The following FRMD3 variants were observed in gnomAD, a reference collection of about 807,000 sequenced individuals.
The protein encoded by FRMD3 is FERM domain containing 3, also known as FERM domain-containing protein 3.
A neutral mutation model predicts 70.2 loss-of-function variants in FRMD3; 33 were observed. That is an observed-to-expected ratio of 0.47 (90% confidence interval 0.36 to 0.63). The LOEUF is 0.63. FRMD3 is among the 20% of genes least tolerant of loss of function. FRMD3 has a pLI of 0.00. For synonymous variants in FRMD3, 279 were observed against 255.9 expected (o/e 1.09, Z -0.86); for missense variants, 632 against 711.4 (o/e 0.89, Z 1.27).
At chr9:83,525,355 A>G (rs1829663083) in intron 1 of FRMD3, among the ~76,000 whole-genome samples, 1 of 152,222 alleles carries the variant, frequency 6.6e-6, no homozygotes, top group African/African-American at 2.4e-5. Flanking sequence ...TCATTGCATT[A>G]TTAATATTAG....
intron 1 of FRMD3, among the ~76,000 whole-genome samples, chr9:83,448,129 A>T (rs558353669): frequency 6.6e-6 from 1 of 152,172 alleles, no homozygotes; most frequent in Non-Finnish European, 1.5e-5. Context: ...TGAGAGTCCA[A>T]TTTCAACATT....
chr9:83,488,546 G>A (rs1828736479), intron 1 of FRMD3, among the ~76,000 whole-genome samples: 1 of 152,132 alleles, frequency 6.6e-6, no homozygotes, highest in East Asian at 1.9e-4. Context: ...TATAGAAAAG[G>A]GGACCCCGTT....
At chr9:83,368,863 AT>A (rs530018439) in intron 3 of FRMD3, among the ~76,000 whole-genome samples, 59 of 150,442 alleles carry the variant, frequency 3.9e-4, no homozygotes, top group East Asian at 1.6e-3. Flanking sequence ...ATTTCTAGGA[AT>A]TTTTTTTTTA....
intron 4 of FRMD3, among the ~76,000 whole-genome samples, chr9:83,344,480 C>A (rs1047145811): frequency 6.6e-6 from 1 of 152,180 alleles, no homozygotes; most frequent in Non-Finnish European, 1.5e-5. Flanking sequence ...CTGAGTAAAG[C>A]AGATGACCCT....
intron 1 of FRMD3, among the ~76,000 whole-genome samples, chr9:83,470,317 C>T (rs889359551): frequency 2.0e-5 from 3 of 152,276 alleles, no homozygotes; most frequent in South Asian, 2.1e-4. Flanking sequence ...ATGGCTTACA[C>T]GCTGAACTTA....
rs909838051 is a variant in FRMD3, at chr9:83,538,006, G to A, written c.147+79C>T. ...AATCCCCTCCGGGAGTGGGTTCCTT[G>A]TTCTCGCATGCCCACCGCAAAGGCC... On this transcript the variant is annotated intron_variant, in intron 1 of 13. Transcript: ENST00000304195. The surrounding 1 kb of genome is among the most constrained non-coding windows in gnomAD (Gnocchi z 4.7). The A allele has an allele frequency of 7.3e-6, 11 of 1,515,780 alleles. No individual in the cohort carries two copies. Among genetic ancestry groups the A allele is most frequent in the Admixed American group, 1.8e-5 (1 of 56,248 alleles). 93.9% of individuals were successfully genotyped at this position (1,515,780 alleles called of 1,614,324 possible).
chr9:83,507,685 T>A (rs1224126883), intron 1 of FRMD3, among the ~76,000 whole-genome samples: 3 of 23,748 alleles, frequency 1.3e-4, no homozygotes, highest in Non-Finnish European at 2.0e-4. Flanking sequence ...AAAAAAAATA[T>A]ACATACATAT....
At chr9:83,284,058 G>GTTTTTTTTT (rs1563993854) in intron 13 of FRMD3, among the ~76,000 whole-genome samples, 4 of 79,316 alleles carry the variant, frequency 5.0e-5, no homozygotes, top group African/African-American at 1.9e-4. Flanking sequence ...AAGCTAGGAT[G>GTTTTTTTTT]TTATTTTTTT....
intron 10 of FRMD3, among the ~76,000 whole-genome samples, chr9:83,309,117 C>T (rs1043802191): frequency 6.6e-6 from 1 of 152,128 alleles, no homozygotes; most frequent in African/African-American, 2.4e-5. Context: ...CCCCACCACT[C>T]CCCTACTGGT....
intron 1 of FRMD3, among the ~76,000 whole-genome samples, chr9:83,474,273 A>G (rs1463489603): frequency 1.3e-5 from 2 of 152,206 alleles, no homozygotes; most frequent in Admixed American, 6.5e-5. Flanking sequence ...CTTTCTTACT[A>G]TCTGGAAGAT....
intron 1 of FRMD3, among the ~76,000 whole-genome samples, chr9:83,498,341 C>T (rs1294434515): frequency 1.3e-5 from 2 of 152,148 alleles, no homozygotes; most frequent in East Asian, 3.8e-4. Flanking sequence ...AAACTTGACA[C>T]AGAAAATCAA....
intron 2 of FRMD3, among the ~76,000 whole-genome samples, chr9:83,386,446 A>G (rs1825512815): frequency 6.6e-6 from 1 of 152,224 alleles, no homozygotes; most frequent in African/African-American, 2.4e-5. Flanking sequence ...TGGGCATTAA[A>G]AGTTACGTTA....
intron 1 of FRMD3, among the ~76,000 whole-genome samples, chr9:83,478,363 AC>A (rs1828448815): frequency 6.6e-6 from 1 of 152,182 alleles, no homozygotes; most frequent in African/African-American, 2.4e-5. Context: ...CTATCCAGAA[AC>A]CCATAATTTT....
In FRMD3 at chr9:83,464,153, T is replaced by C. The variant is rs191896441; in HGVS notation, c.147+73932A>G. Among the ~76,000 whole-genome samples the C allele has an allele frequency of 1.4e-3, 213 of 152,336 alleles. 1 individual carries two copies. Among genetic ancestry groups the C allele is most frequent in the African/African-American group, 5.0e-3 (206 of 41,580 alleles). The stretch of plus-strand genomic sequence containing the variant: ...AGCAGCCACCACTCTTTGAACTTCA[T>C]ATTGGAGCATTCCCATTGTTAATGC... On this transcript the variant is annotated intron_variant, in intron 1 of 13. Transcript: ENST00000304195.
intron 13 of FRMD3, among the ~76,000 whole-genome samples, chr9:83,282,351 C>A (rs1013101335): frequency 6.6e-6 from 1 of 152,148 alleles, no homozygotes; most frequent in African/African-American, 2.4e-5. Context: ...CTTTTATCAT[C>A]GTCTAAAACG....
intron 1 of FRMD3, among the ~76,000 whole-genome samples, chr9:83,450,347 G>GTTTTTTTTTTTTTTT (rs763340189): frequency 9.9e-5 from 11 of 111,598 alleles, no homozygotes; most frequent in Non-Finnish European, 1.3e-4. Flanking sequence ...GTCACCCTCA[G>GTTTTTTTTTTTTTTT]TTTTTTTTTT....
chr9:83,438,384 C>T (rs1298668501), intron 1 of FRMD3, among the ~76,000 whole-genome samples: 2 of 150,802 alleles, frequency 1.3e-5, no homozygotes, highest in South Asian at 2.1e-4. Context: ...TCTTTCTACC[C>T]ACTCTACCTG....
rs771979518 is a variant in FRMD3 at position 83,335,497 on chromosome 9, A to G, written c.596+19T>C. On this transcript the variant is annotated intron_variant, in intron 6 of 13. Coordinates refer to ENST00000304195, the MANE Select transcript of FRMD3 (RefSeq NM_174938.6). ...TTTCTCCCCTTTATCATTTTCACAA[A>G]TGTCTACTCAGTAATTACCTGAGTT... is the stretch of plus-strand genomic sequence containing the variant. 9 of 1,598,388 alleles carry G rather than the reference A, an allele frequency of 5.6e-6. No individual in the cohort carries two copies. In the African/African-American group the frequency reaches 8.1e-5, roughly 14 times the overall value.
chr9:83,517,843 C>A lies in FRMD3; in HGVS notation c.147+20242G>T, dbSNP rs62560355. Among the ~76,000 whole-genome samples, 234 of 152,314 alleles carry A rather than the reference C, an allele frequency of 1.5e-3. 2 individuals carry two copies. Among genetic ancestry groups the A allele is most frequent in the Non-Finnish European group, 2.7e-3 (183 of 68,032 alleles). ...CAACGCTGATTCAACATATGCAAAT[C>A]AATAAACATAATCCATCACATAAAC... is the stretch of plus-strand genomic sequence containing the variant. On this transcript the variant is annotated intron_variant, in intron 1 of 13. Transcript: ENST00000304195.
Sources: gnomAD v4.1 joint callset for allele counts (sites outside exome capture counted in the v4.1 genomes callset) on GRCh38, gnomAD v4.1.1 for gene constraint, Gnocchi (gnomAD v3.1) non-coding constraint, MANE v1.5 for transcripts, NCBI Gene and HGNC (gene_info 2026-07-23, HGNC 2026-07-21) for gene names.